Variants in CACNG7 observed in about 807,000 individuals in gnomAD.
The protein encoded by CACNG7 is calcium voltage-gated channel auxiliary subunit gamma 7.
Under a neutral mutation model 26.3 loss-of-function variants are expected in CACNG7, and 9 were observed. The ratio of observed to expected loss-of-function variants is 0.34; its 90% CI spans 0.21 to 0.60. The LOEUF (loss-of-function observed/expected upper bound fraction) is 0.60. CACNG7 is among the 20% of genes least tolerant of loss of function. CACNG7 has a pLI of 0.81. For missense variants in CACNG7, 297 were observed against 380.4 expected, an observed-to-expected ratio of 0.78 and a Z score of 1.82; for synonymous variants, 170 against 157.0, an observed-to-expected ratio of 1.08 and a Z score of -0.62.
intron 4 of CACNG7, among the ~76,000 whole-genome samples, chr19:53,921,485 T>TATTG (rs2068951439): frequency 7.0e-6 from 1 of 143,856 alleles, no homozygotes; most frequent in African/African-American, 2.7e-5. Flanking sequence ...CCAGGCCTGG[T>TATTG]CATTGGTGGA....
At chr19:53,911,671 G>A (rs962476630) in intron 1 of CACNG7, among the ~76,000 whole-genome samples, 1 of 152,188 alleles carries the variant, frequency 6.6e-6, no homozygotes, top group South Asian at 2.1e-4. Context: ...AGGCAGCCAG[G>A]GTGGCCAGGG....
At chr19:53,923,596 G>C (rs1419769252) in intron 4 of CACNG7, among the ~76,000 whole-genome samples, 416 of 128,826 alleles carry the variant, frequency 3.2e-3, no homozygotes, top group South Asian at 4.6e-3. Context: ...GTCATTGGTG[G>C]AGTTGCCCCA....
At chr19:53,917,306 G>T (rs1023329053) in intron 4 of CACNG7, among the ~76,000 whole-genome samples, 4 of 152,042 alleles carry the variant, frequency 2.6e-5, no homozygotes, top group African/African-American at 4.8e-5. Context: ...CTCAAATCAG[G>T]TTCTTGTAAT....
chr19:53,932,067 G>A (rs925098084), intron 4 of CACNG7, among the ~76,000 whole-genome samples: 6 of 151,402 alleles, frequency 4.0e-5, no homozygotes, highest in African/African-American at 1.5e-4. Context: ...GGCCAGCACT[G>A]ACTTTTTAAA....
chr19:53,917,617 C>T (rs2068906988), intron 4 of CACNG7, among the ~76,000 whole-genome samples: 1 of 152,170 alleles, frequency 6.6e-6, no homozygotes, highest in South Asian at 2.1e-4. Flanking sequence ...GGAGCCCAGA[C>T]ACTGAGCTAA....
intron 4 of CACNG7, among the ~76,000 whole-genome samples, chr19:53,938,207 G>A (rs1466455204): frequency 1.3e-5 from 2 of 152,078 alleles, no homozygotes; most frequent in African/African-American, 2.4e-5. Flanking sequence ...AGTTAGCCCC[G>A]CATGGTGGTG....
At chr19:53,922,879 T>A (rs1353836569) in intron 4 of CACNG7, among the ~76,000 whole-genome samples, 2 of 42,282 alleles carry the variant, frequency 4.7e-5, no homozygotes, top group Non-Finnish European at 7.6e-5. Context: ...TGGAGTTGAC[T>A]CAGGCTGGTC....
chr19:53,923,743 G>A (rs1439968182), intron 4 of CACNG7, among the ~76,000 whole-genome samples: 1 of 93,618 alleles, frequency 1.1e-5, no homozygotes, highest in South Asian at 3.4e-4. Flanking sequence ...GTTGCCCCAG[G>A]TCTGGTCATT....
intron 4 of CACNG7, among the ~76,000 whole-genome samples, chr19:53,922,910 C>T (rs368818060): frequency 1.7e-3 from 82 of 49,628 alleles, no homozygotes; most frequent in South Asian, 5.9e-3. Flanking sequence ...TTGCCCCAGG[C>T]CTGGTCATTG....
In CACNG7 at chr19:53,912,457, A is replaced by G. The variant is rs2068867114; in HGVS notation, c.-29-346A>G. On this transcript the variant is annotated intron_variant, in intron 1 of 5. Coordinates refer to ENST00000391767, the MANE Select transcript of CACNG7 (RefSeq NM_031896.5). The surrounding 1 kb of genome is among the most constrained non-coding windows in gnomAD (Gnocchi z 4.6). The stretch of plus-strand genomic sequence containing the variant: ...AATTAGAATTTCTGCTCGGAGTCAC[A>G]GTATTTGGGACCCAGGTCCAAACAC... Among the ~76,000 whole-genome samples the G allele has an allele frequency of 6.6e-6, 1 of 152,208 alleles. No homozygotes were observed. Among genetic ancestry groups the G allele is most frequent in the African/African-American group, 2.4e-5 (1 of 41,460 alleles).
At chr19:53,921,389 G>T (rs1400258489) in intron 4 of CACNG7, among the ~76,000 whole-genome samples, 3 of 130,428 alleles carry the variant, frequency 2.3e-5, no homozygotes, top group African/African-American at 9.3e-5. Flanking sequence ...CATTGGTGGA[G>T]TTGCCCCAGG....
rs772849989 is a variant in CACNG7, at chr19:53,914,478, T to C, written c.197-22T>C. ...AGCTTAGGAGCCTCTCATCCAGCCC[T>C]GTCTGTTTCTCTTCCCCCCAGGTCG... On this transcript the variant is annotated intron_variant, in intron 2 of 5. Transcript: ENST00000391767. 70 of 1,609,328 alleles carry C rather than the reference T, an allele frequency of 4.3e-5. No individual in the cohort carries two copies. The East Asian group carries it at 1.2e-3, about 27-fold the overall frequency.
chr19:53,925,541 T>C (rs1324148471), intron 4 of CACNG7, among the ~76,000 whole-genome samples: 4 of 138,226 alleles, frequency 2.9e-5, no homozygotes, highest in African/African-American at 1.2e-4. Context: ...CCCAGGCTGG[T>C]CATTGGTGGA....
intron 4 of CACNG7, among the ~76,000 whole-genome samples, chr19:53,923,798 T>C (rs376372253): frequency 1.8e-4 from 18 of 97,792 alleles, no homozygotes; most frequent in South Asian, 7.5e-4. Flanking sequence ...TTGCCCCAGG[T>C]CTGGTCATTG....
chr19:53,913,234 A>G lies in CACNG7; in HGVS notation c.196+207A>G, dbSNP rs535351426. Among the ~76,000 whole-genome samples, 3 of 151,932 alleles carry G rather than the reference A, an allele frequency of 2.0e-5. No homozygotes were observed. The South Asian group carries it at 6.2e-4, about 32-fold the overall frequency. On this transcript the variant is annotated intron_variant, in intron 2 of 5. Coordinates refer to ENST00000391767, the MANE Select transcript of CACNG7 (RefSeq NM_031896.5). ...CCAATGCTCCAGGCCCCTAACCCCT[A>G]AGGAATTCTGGAGCCTTCCTTTAAA...
intron 4 of CACNG7, among the ~76,000 whole-genome samples, chr19:53,917,271 A>G (rs1242634548): frequency 6.6e-6 from 1 of 152,192 alleles, no homozygotes; most frequent in Non-Finnish European, 1.5e-5. Context: ...TTCATTTCAA[A>G]TGAATTCAAC....
At chr19:53,927,370 A>C (rs1391121076) in intron 4 of CACNG7, among the ~76,000 whole-genome samples, 1 of 152,246 alleles carries the variant, frequency 6.6e-6, no homozygotes, top group Non-Finnish European at 1.5e-5. Context: ...GGGAAGATGC[A>C]TTAACCTGAC....
chr19:53,909,497 G>C lies in CACNG7; in HGVS notation c.-50G>C, dbSNP rs1284193654. 2 of 152,228 alleles carry C rather than the reference G, an allele frequency of 1.3e-5. No homozygotes were observed. Among genetic ancestry groups the C allele is most frequent in the Non-Finnish European group, 2.9e-5 (2 of 67,846 alleles). The allele number at this position is 152,228 out of a possible 1,614,324, so 9.4% of individuals were successfully genotyped here. On this transcript the variant is annotated 5_prime_UTR_variant, in exon 1 of 6. Transcript: ENST00000391767. This position sits in a 1 kb window ranked among gnomAD's most constrained non-coding sequence, Gnocchi z 5.1. ...GGCTGCGGGGCCCGCGGCCCGGAGCGTCCGCCCAGCCCTGAGCGAGGTGAG... is the reference window on the plus strand; with the variant it reads ...GGCTGCGGGGCCCGCGGCCCGGAGCCTCCGCCCAGCCCTGAGCGAGGTGAG...
rs1418739927 is a variant in CACNG7, at chr19:53,909,457, C to G, written c.-90C>G. ...CGGCGGCGGCGGCCGGGGGAAGCCT[C>G]GGGGCCGGTCATGCGGCTGCGGGGC... On this transcript the variant is annotated 5_prime_UTR_variant, in exon 1 of 6. Coordinates refer to ENST00000391767, the MANE Select transcript of CACNG7 (RefSeq NM_031896.5). The surrounding 1 kb of genome is among the most constrained non-coding windows in gnomAD (Gnocchi z 5.1). The G allele has an allele frequency of 6.6e-6, 1 of 150,614 alleles. No homozygotes were observed. Among genetic ancestry groups the G allele is most frequent in the Non-Finnish European group, 1.5e-5 (1 of 67,346 alleles). The allele number at this position is 150,614 out of a possible 1,614,324, so 9.3% of individuals were successfully genotyped here. A position where few individuals can be genotyped will look rare whatever the true frequency, so the allele number is the denominator to read the frequency against.
Sources: gnomAD v4.1 joint callset for allele counts (sites outside exome capture counted in the v4.1 genomes callset) on GRCh38, gnomAD v4.1.1 for gene constraint, Gnocchi (gnomAD v3.1) non-coding constraint, MANE v1.5 for transcripts, NCBI Gene and HGNC (gene_info 2026-07-23, HGNC 2026-07-21) for gene names.